Variants in FUT8 observed in about 807,000 individuals in gnomAD.
FUT8 encodes the protein alpha-(1,6)-fucosyltransferase.
In FUT8, 29 loss-of-function variants were observed where a neutral mutation model predicts 71.3. The ratio of observed to expected loss-of-function variants is 0.41; its 90% CI spans 0.30 to 0.55. FUT8 has a LOEUF of 0.55. FUT8 is among the 20% of genes least tolerant of loss of function. The pLI, the probability that FUT8 is intolerant of heterozygous loss-of-function variation, is 0.34. For synonymous variants in FUT8, 254 were observed against 239.3 expected (o/e 1.06, Z -0.57); for missense variants, 544 against 702.1 (o/e 0.77, Z 2.55).
At chr14:65,740,361 A>G (rs1164828258) in intron 10 of FUT8, among the ~76,000 whole-genome samples, 1 of 152,068 alleles carries the variant, frequency 6.6e-6, no homozygotes, top group Non-Finnish European at 1.5e-5. Flanking sequence ...CAAATTATAT[A>G]TAGCATTTGA....
chr14:65,683,604 AT>A (rs1351012879), intron 7 of FUT8, among the ~76,000 whole-genome samples: 1 of 152,204 alleles, frequency 6.6e-6, no homozygotes, highest in African/African-American at 2.4e-5. Flanking sequence ...TGGGAGATGC[AT>A]TTTCTGCCAA....
chr14:65,437,094 T>G lies in FUT8; in HGVS notation c.-325-18527T>G, dbSNP rs550408099. Among the ~76,000 whole-genome samples the G allele has an allele frequency of 3.3e-5, 5 of 152,310 alleles. No individual in the cohort carries two copies. In the East Asian group the frequency reaches 9.6e-4, roughly 29 times the overall value. ...TCATTCTTTATCAGCAAAACAGGAT[T>G]GATAATCTCTCCTTTTTATAGATGT... is the stretch of plus-strand genomic sequence containing the variant. On this transcript the variant is annotated intron_variant, in intron 1 of 10. Transcript: ENST00000673929.
intron 1 of FUT8, among the ~76,000 whole-genome samples, chr14:65,450,630 A>C (rs561535805): frequency 6.6e-6 from 1 of 152,194 alleles, no homozygotes; most frequent in South Asian, 2.1e-4. Context: ...TCTCAGAGAA[A>C]TCTTTCAGTT....
intron 3 of FUT8, among the ~76,000 whole-genome samples, chr14:65,591,589 T>C (rs1227475147): frequency 6.6e-6 from 1 of 152,122 alleles, no homozygotes; most frequent in African/African-American, 2.4e-5. Flanking sequence ...GGTAAGTTAT[T>C]AGAGGTAAGA....
intron 3 of FUT8, among the ~76,000 whole-genome samples, chr14:65,599,580 G>A (rs1191622593): frequency 6.6e-6 from 1 of 152,206 alleles, no homozygotes; most frequent in Non-Finnish European, 1.5e-5. Context: ...GTTTCAGGAA[G>A]CCCATACTTA....
At chr14:65,370,201 C>CTTT in the FUT8 span, among the ~76,000 whole-genome samples, 25 of 58,448 alleles carry the variant, frequency 4.3e-4, no homozygotes, top group South Asian at 1.1e-3. Flanking sequence ...CACACATAGT[C>CTTT]TTTTTTTTTT....
chr14:65,637,238 T>C (rs1426569072), intron 6 of FUT8, among the ~76,000 whole-genome samples: 1 of 152,226 alleles, frequency 6.6e-6, no homozygotes, highest in Non-Finnish European at 1.5e-5. Flanking sequence ...TAAGTCATTT[T>C]CCTAGACTTT....
intron 2 of FUT8, among the ~76,000 whole-genome samples, chr14:65,545,934 A>G (rs1259471015): frequency 6.6e-6 from 1 of 151,866 alleles, no homozygotes; most frequent in African/African-American, 2.4e-5. Flanking sequence ...AAAAGTAAGA[A>G]TGTACTAGGT....
chr14:65,708,989 G>C (rs754427888), intron 7 of FUT8, among the ~76,000 whole-genome samples: 10 of 152,028 alleles, frequency 6.6e-5, no homozygotes, highest in Admixed American at 6.5e-5. Context: ...ATTGCTAAAA[G>C]AATTTATTTC....
At chr14:65,368,764 G>A in the FUT8 span, among the ~76,000 whole-genome samples, 10 of 150,814 alleles carry the variant, frequency 6.6e-5, no homozygotes, top group African/African-American at 2.4e-4. Context: ...CTGGTGATCC[G>A]CCCCGCCTCG....
At chr14:65,549,046 T>C (rs961082711) in intron 2 of FUT8, among the ~76,000 whole-genome samples, 8 of 152,204 alleles carry the variant, frequency 5.3e-5, no homozygotes, top group African/African-American at 1.4e-4. Flanking sequence ...ACTACACAGC[T>C]ACCAGAATTG....
chr14:65,458,791 CTTT>C (rs748466416), intron 2 of FUT8, among the ~76,000 whole-genome samples: 5 of 135,540 alleles, frequency 3.7e-5, no homozygotes, highest in Admixed American at 7.4e-5. Context: ...TCTTTTCTTT[CTTT>C]TTTTTTTTTT....
rs1832778555 is a variant in FUT8 at position 65,413,740 on chromosome 14, A to C, written c.-326+526A>C. 6.6e-6 allele frequency among the ~76,000 whole-genome samples: 1 copy of C among 152,226 alleles called. No homozygotes were observed. Among genetic ancestry groups the C allele is most frequent in the African/African-American group, 2.4e-5 (1 of 41,464 alleles). On this transcript the variant is annotated intron_variant, in intron 1 of 10. Coordinates refer to ENST00000673929, the MANE Select transcript of FUT8 (RefSeq NM_001371533.1). This position sits in a 1 kb window ranked among gnomAD's most constrained non-coding sequence, Gnocchi z 4.1. ...CGCGAGGGACTGATGCAGGGCAGTT[A>C]AAGGCTTGAGTGCAGCTGTACTCCC...
In FUT8 at chr14:65,643,308, T is replaced by G. The variant is rs1026007961; in HGVS notation, c.597+13702T>G. ...TCACAACATCATTCCTTATTGAGGG[T>G]ATAAAAGGGAATACATATTTAGGTC... On this transcript the variant is annotated intron_variant, in intron 6 of 10. Coordinates refer to ENST00000673929, the MANE Select transcript of FUT8 (RefSeq NM_001371533.1). This position sits in a 1 kb window ranked among gnomAD's most constrained non-coding sequence, Gnocchi z 4.5. Among the ~76,000 whole-genome samples, 12 of 152,058 alleles carry G rather than the reference T, an allele frequency of 7.9e-5. No homozygotes were observed. Among genetic ancestry groups the G allele is most frequent in the Non-Finnish European group, 1.8e-4 (12 of 67,996 alleles).
intron 7 of FUT8, among the ~76,000 whole-genome samples, chr14:65,672,014 A>G (rs889777345): frequency 1.3e-5 from 2 of 152,208 alleles, no homozygotes; most frequent in African/African-American, 4.8e-5. Context: ...TGCAGATGGA[A>G]TTTAGTAATT....
At chr14:65,396,055 CCCA>C in the FUT8 span, among the ~76,000 whole-genome samples, 1 of 152,186 alleles carries the variant, frequency 6.6e-6, no homozygotes, top group African/African-American at 2.4e-5. The surrounding 1 kb of genome is among the most constrained non-coding windows in gnomAD (Gnocchi z 5.5). Flanking sequence ...TACTTCAGTC[CCCA>C]CAAGTTCCTC....
intron 6 of FUT8, among the ~76,000 whole-genome samples, chr14:65,659,308 C>T (rs529112516): frequency 6.6e-5 from 10 of 151,676 alleles, no homozygotes; most frequent in Non-Finnish European, 2.9e-5. Context: ...GACAAAGACT[C>T]CGTCTTCGAG....
At chr14:65,635,084 T>G (rs1321744459) in intron 6 of FUT8, among the ~76,000 whole-genome samples, 4 of 152,330 alleles carry the variant, frequency 2.6e-5, no homozygotes, top group African/African-American at 9.6e-5. Flanking sequence ...TTTTATTTTA[T>G]TTTTATTTTT....
intron 1 of FUT8, among the ~76,000 whole-genome samples, chr14:65,455,280 AG>A (rs2065880384): frequency 6.6e-6 from 1 of 152,216 alleles, no homozygotes. Context: ...GTCTGAAAAG[AG>A]GTACACTTCT....
Sources: allele counts gnomAD v4.1 joint callset (sites outside exome capture counted in the v4.1 genomes callset), GRCh38; gene constraint gnomAD v4.1.1; non-coding constraint Gnocchi (gnomAD v3.1); transcripts MANE v1.5; gene names NCBI Gene and HGNC (gene_info 2026-07-23, HGNC 2026-07-21).